The following DMXL2 variants were observed in gnomAD, a reference collection of about 807,000 sequenced individuals.
The protein encoded by DMXL2 is Dmx like 2, also known as dmX-like protein 2.
A neutral mutation model predicts 331.1 loss-of-function variants in DMXL2; 103 were observed. That is an observed-to-expected ratio of 0.31 (90% CI 0.27 to 0.37). The LOEUF is 0.37. DMXL2 is among the 10% of genes least tolerant of loss of function. DMXL2 has a pLI of 1.00. For missense variants in DMXL2, 3,171 were observed against 3,642.9 expected (o/e 0.87, Z 3.33); for synonymous variants, 1,281 against 1,252.1 (o/e 1.02, Z -0.49).
Position 51,476,636 on chromosome 15 carries a change from C to A in DMXL2, c.6917G>T (p.Ser2306Ile). 2 of 1,611,884 alleles carry A rather than the reference C, an allele frequency of 1.2e-6. No individual in the cohort carries two copies. Among genetic ancestry groups the A allele is most frequent in the Non-Finnish European group, 1.7e-6 (2 of 1,179,204 alleles). ...LSDRRRLRTE[S>I]IEEHATPNSS... ...ATTTGGTGTTGCGTGTTCTTCAATG[C>A]TTTCTGTCCTTAGTCTTCTACGATC... The change falls in exon 27 of 44, where the codon AGC (serine) becomes ATC (isoleucine). Residue 2306 changes from serine to isoleucine, a missense_variant. By Grantham distance (142) the Ser-to-Ile change is moderately radical (BLOSUM62 -2). Around this residue, in one of 7 missense-constraint regions of DMXL2, gnomAD observed 766 missense variants for 940.5 expected, o/e 0.81. Transcript: ENST00000560891.
intron 28 of DMXL2, 98 bp from the exon 29 acceptor site, chr15:51,471,499 G>C: frequency 1.7e-6 from 2 of 1,189,386 alleles, no homozygotes; most frequent in Non-Finnish European, 1.2e-6. Flanking sequence ...GCCATGTTTT[G>C]GTCTAAACTA....
chr15:51,493,261 G>A (rs560210180), intron 19 of DMXL2, among the ~76,000 whole-genome samples: 1 of 152,098 alleles, frequency 6.6e-6, no homozygotes, highest in South Asian at 2.1e-4. Context: ...AACACAAAAT[G>A]CATAATTTTG....
chr15:51,531,688 A>G (rs553607786), intron 13 of DMXL2, among the ~76,000 whole-genome samples: 1 of 152,340 alleles, frequency 6.6e-6, no homozygotes, highest in Admixed American at 6.5e-5. Context: ...AAAATCTAGT[A>G]ATCTGATCAA....
intron 6 of DMXL2, among the ~76,000 whole-genome samples, chr15:51,560,379 T>A (rs1432142459): frequency 6.6e-6 from 1 of 151,720 alleles, no homozygotes; most frequent in Non-Finnish European, 1.5e-5. Context: ...TGAAACTAAG[T>A]GATGGGTACA....
intron 19 of DMXL2, among the ~76,000 whole-genome samples, chr15:51,493,231 T>C (rs2042930481): frequency 6.6e-6 from 1 of 152,196 alleles, no homozygotes; most frequent in African/African-American, 2.4e-5. Flanking sequence ...GATATTCTGC[T>C]TCAGCAACTA....
chr15:51,547,933 ATTC>A (rs1285145428), intron 6 of DMXL2, among the ~76,000 whole-genome samples: 1 of 152,092 alleles, frequency 6.6e-6, no homozygotes. Flanking sequence ...TATGACACAG[ATTC>A]TTCTTTTTTT....
In DMXL2 at chr15:51,487,951, T is replaced by C. The variant is rs1270408044; in HGVS notation, c.5217+3A>G. 6.3e-7 allele frequency: 1 copy of C among 1,595,720 alleles called. No individual in the cohort carries two copies. ...ATTATATAGTGTGTTTTCTTATTTA[T>C]ACCTCTATGGCATCTTTCAATGAAC... On this transcript the variant is annotated splice_donor_region_variant and intron_variant, in intron 22 of 43. Coordinates refer to ENST00000560891, the MANE Select transcript of DMXL2 (RefSeq NM_001378457.1).
rs184580731 is a variant in DMXL2 at position 51,492,904 on chromosome 15, A to G, written c.4784-1157T>C. ...TTCAACTACTATATAGATTTTGTAC[A>G]TAGTTTAAAGCTTTTCTAATAATTA... On this transcript the variant is annotated intron_variant, in intron 19 of 43. Coordinates refer to ENST00000560891, the MANE Select transcript of DMXL2 (RefSeq NM_001378457.1). 9.8e-5 allele frequency among the ~76,000 whole-genome samples: 15 copies of G among 152,328 alleles called. No homozygotes were observed. The East Asian group carries it at 2.9e-3, about 29-fold the overall frequency.
chr15:51,525,605 C>T (rs1941291530), intron 13 of DMXL2, among the ~76,000 whole-genome samples: 1 of 152,068 alleles, frequency 6.6e-6, no homozygotes, highest in South Asian at 2.1e-4. Context: ...GCATTTACAA[C>T]AAGCTAACCA....
intron 1 of DMXL2, among the ~76,000 whole-genome samples, chr15:51,580,311 C>T (rs1310839342): frequency 2.6e-5 from 4 of 152,088 alleles, no homozygotes; most frequent in Admixed American, 6.6e-5. Flanking sequence ...ACTAAATTGA[C>T]CCCAGAGAGT....
In DMXL2 at chr15:51,491,711, G is replaced by C; in HGVS notation, c.4820C>G (p.Ser1607Cys). 1 of 1,610,456 alleles carries C rather than the reference G, an allele frequency of 6.2e-7. No homozygotes were observed. Among genetic ancestry groups the C allele is most frequent in the Non-Finnish European group, 8.5e-7 (1 of 1,178,980 alleles). ...ATTAATCAGTTCTTCTTCAGCCTCA[G>C]AATGAAAAGCCCAGGCAAAATGGCA... Reference protein sequence around the residue: ...STCHFAWAFHSEAEEELINMI... With the variant: ...STCHFAWAFHCEAEEELINMI... Residue 1607 changes from serine to cysteine, a missense_variant, in exon 20 of 44, where the codon TCT (serine) becomes TGT (cysteine). Physicochemically the swap from Ser to Cys is moderately radical, Grantham distance 112 (BLOSUM62 -1). Around this residue, in one of 7 missense-constraint regions of DMXL2, gnomAD observed 252 missense variants for 387.4 expected, o/e 0.65. Coordinates refer to ENST00000560891, the MANE Select transcript of DMXL2 (RefSeq NM_001378457.1).
chr15:51,460,431 G>GCTAA (rs1595893380), intron 33 of DMXL2: 1 of 943,754 alleles, frequency 1.1e-6, no homozygotes, highest in East Asian at 1.2e-4. Context: ...GTGTGGCACA[G>GCTAA]CTAACTCAGT....
chr15:51,591,911 T>A (rs1256548642), intron 1 of DMXL2, among the ~76,000 whole-genome samples: 1 of 151,986 alleles, frequency 6.6e-6, no homozygotes, highest in Non-Finnish European at 1.5e-5. Flanking sequence ...CAAAACCCCA[T>A]CTGTACGTCA....
At chr15:51,548,454 T>TA (rs2049012462) in intron 6 of DMXL2, among the ~76,000 whole-genome samples, 1 of 152,168 alleles carries the variant, frequency 6.6e-6, no homozygotes, top group Admixed American at 6.5e-5. Flanking sequence ...TGTTTGCCCT[T>TA]AGACAGCCAC....
chr15:51,604,268 C>A, intron 1 of DMXL2, among the ~76,000 whole-genome samples: 4 of 101,808 alleles, frequency 3.9e-5, no homozygotes, highest in South Asian at 3.0e-4. Context: ...TTATAAAGGG[C>A]ATCTATAAAA....
chr15:51,603,273 T>C (rs1212736729), intron 1 of DMXL2, among the ~76,000 whole-genome samples: 1 of 152,118 alleles, frequency 6.6e-6, no homozygotes, highest in African/African-American at 2.4e-5. Flanking sequence ...GGGGTATCAG[T>C]ACTAACCCTG....
At chr15:51,616,192 T>C (rs1178799686) in intron 1 of DMXL2, among the ~76,000 whole-genome samples, 1 of 152,158 alleles carries the variant, frequency 6.6e-6, no homozygotes, top group Non-Finnish European at 1.5e-5. Flanking sequence ...AATTACCATG[T>C]ATATTATTTA....
intron 15 of DMXL2, among the ~76,000 whole-genome samples, chr15:51,511,981 A>G (rs2046782447): frequency 6.6e-6 from 1 of 152,162 alleles, no homozygotes; most frequent in African/African-American, 2.4e-5. Flanking sequence ...CATAAGTGGG[A>G]GTTGAACAAT....
chr15:51,587,582 G>C (rs1479580463), intron 1 of DMXL2, among the ~76,000 whole-genome samples: 3 of 152,226 alleles, frequency 2.0e-5, no homozygotes, highest in Non-Finnish European at 4.4e-5. Context: ...TGGATATTTG[G>C]GTTGGTTCCA....
Sources: gnomAD v4.1 joint callset for allele counts (sites outside exome capture counted in the v4.1 genomes callset) on GRCh38, gnomAD v4.1.1 for gene constraint, gnomAD v4.1.1 regional missense constraint, MANE v1.5 for transcripts, NCBI Gene and HGNC (gene_info 2026-07-23, HGNC 2026-07-21) for gene names.